Variants in FYB1 observed in about 807,000 individuals in gnomAD.
FYB1 encodes FYN-binding protein 1.
Under a neutral mutation model 94.1 loss-of-function variants are expected in FYB1, and 41 were observed. The observed-to-expected ratio is 0.44, with a 90% CI of 0.34 to 0.57. The LOEUF is 0.57. FYB1 is among the 20% of genes least tolerant of loss of function. FYB1 has a pLI of 0.02. For missense variants in FYB1, 1,050 were observed against 976.8 expected, an observed-to-expected ratio of 1.07 and a Z score of -1.00; for synonymous variants, 367 against 353.2, an observed-to-expected ratio of 1.04 and a Z score of -0.44.
intron 1 of FYB1, among the ~76,000 whole-genome samples, chr5:39,227,906 G>A (rs1489702698): frequency 6.6e-6 from 1 of 152,138 alleles, no homozygotes; most frequent in East Asian, 1.9e-4. Context: ...CCATAAGATT[G>A]ACCCAAAATG....
chr5:39,190,821 A>G (rs2150458488), intron 2 of FYB1, among the ~76,000 whole-genome samples: 1 of 140,530 alleles, frequency 7.1e-6, no homozygotes, highest in South Asian at 2.3e-4. Flanking sequence ...TGTTACACAC[A>G]TACATCTCAC....
chr5:39,185,516 T>TAAAA, intron 2 of FYB1, among the ~76,000 whole-genome samples: 1 of 110,732 alleles, frequency 9.0e-6, no homozygotes, highest in South Asian at 3.1e-4. Flanking sequence ...GATAACTGAC[T>TAAAA]AAAAAAAAAA....
Position 39,242,912 on chromosome 5 carries a change from G to A in FYB1, c.-28+31491C>T, listed in dbSNP as rs540350047. Among the ~76,000 whole-genome samples the A allele has an allele frequency of 9.2e-5, 14 of 152,220 alleles. 1 individual carries two copies. The East Asian group carries it at 2.7e-3, about 29-fold the overall frequency. ...CCAGTGATGCTGAGCATTTTTTCATGTGTCTGTTGGCTGCATAAATATCTT... is the reference window on the plus strand; with the variant it reads ...CCAGTGATGCTGAGCATTTTTTCATATGTCTGTTGGCTGCATAAATATCTT... On this transcript the variant is annotated intron_variant, in intron 1 of 1. Transcript: ENST00000510188.
At chr5:39,155,713 C>A (rs1418494872) in intron 2 of FYB1, among the ~76,000 whole-genome samples, 1 of 151,638 alleles carries the variant, frequency 6.6e-6, no homozygotes, top group African/African-American at 2.4e-5. Flanking sequence ...TTAAATTTAA[C>A]ACTTTAAAAT....
At chr5:39,217,132 C>T (rs1749930287) in intron 1 of FYB1, among the ~76,000 whole-genome samples, 1 of 152,188 alleles carries the variant, frequency 6.6e-6, no homozygotes, top group Admixed American at 6.5e-5. Flanking sequence ...TTCCAACAAT[C>T]ACTTCTTATC....
At chr5:39,230,615 C>A (rs565055617) in intron 1 of FYB1, among the ~76,000 whole-genome samples, 1 of 152,082 alleles carries the variant, frequency 6.6e-6, no homozygotes, top group African/African-American at 2.4e-5. Flanking sequence ...CACATCCCTG[C>A]AGCTTCTCTT....
chr5:39,137,754 C>T, intron 6 of FYB1, 34 bp from the exon 7 acceptor site: 1 of 1,549,830 alleles, frequency 6.5e-7, no homozygotes, highest in Non-Finnish European at 8.7e-7. Context: ...GTTTTCACAT[C>T]TGCAGGTGTT....
chr5:39,237,099 C>G (rs896836765), intron 1 of FYB1, among the ~76,000 whole-genome samples: 12 of 152,018 alleles, frequency 7.9e-5, no homozygotes, highest in Non-Finnish European at 7.4e-5. Context: ...TAAGTTGGGC[C>G]CAAATAATCT....
At chr5:39,238,794 G>A (rs1011785307) in intron 1 of FYB1, among the ~76,000 whole-genome samples, 16 of 152,116 alleles carry the variant, frequency 1.1e-4, no homozygotes, top group Admixed American at 5.9e-4. Context: ...GTATCAGGGT[G>A]AGGCTTCATG....
intron 1 of FYB1, among the ~76,000 whole-genome samples, chr5:39,232,567 G>A (rs1413320855): frequency 6.8e-6 from 1 of 147,636 alleles, no homozygotes; most frequent in Non-Finnish European, 1.5e-5. Flanking sequence ...TATTTTTTTT[G>A]CTTTTTTTAA....
chr5:39,127,786 T>C lies in FYB1; in HGVS notation c.1862A>G (p.Asp621Gly). 6.2e-7 allele frequency: 1 copy of C among 1,604,910 alleles called. No individual in the cohort carries two copies. The highest frequency in any genetic ancestry group is 8.5e-7 in the Non-Finnish European group (1 of 1,175,618). ...GSGGIFPPPPDDDIYDGIEEE... is the reference protein window; with the variant it reads ...GSGGIFPPPPGDDIYDGIEEE... ...TTCAATCCCATCATAAATGTCATCA[T>C]CTGGTGGTGGAGGGAATATCCCTTC... is the stretch of plus-strand genomic sequence containing the variant. Residue 621 changes from aspartate (D) to glycine (G), a missense_variant, in exon 11 of 19, where the codon GAT becomes GGT. Physicochemically the swap from Asp to Gly is moderately conservative, Grantham distance 94. Coordinates refer to ENST00000512982, the MANE Select transcript of FYB1 (RefSeq NM_001465.6).
chr5:39,111,236 T>C (rs1463302323), intron 16 of FYB1, among the ~76,000 whole-genome samples: 1 of 151,984 alleles, frequency 6.6e-6, no homozygotes, highest in African/African-American at 2.4e-5. Flanking sequence ...GTTAGTTTTG[T>C]GTTAGTGCCT....
chr5:39,235,573 G>GTT (rs72403365), intron 1 of FYB1, among the ~76,000 whole-genome samples: 8 of 139,932 alleles, frequency 5.7e-5, no homozygotes, highest in East Asian at 2.1e-4. Context: ...ATCTTTACTT[G>GTT]TTTTTTTTTT....
chr5:39,268,590 G>T (rs1429787820), intron 1 of FYB1, among the ~76,000 whole-genome samples: 7 of 151,700 alleles, frequency 4.6e-5, no homozygotes, highest in African/African-American at 1.7e-4. Flanking sequence ...TTTTGAGACG[G>T]AATTTTGCTC....
At chr5:39,116,299 A>G (rs555259408) in intron 16 of FYB1, among the ~76,000 whole-genome samples, 54 of 152,336 alleles carry the variant, frequency 3.5e-4, no homozygotes, top group Admixed American at 5.2e-4. Context: ...CCATATAACC[A>G]TGTGGTTTCC....
intron 1 of FYB1, among the ~76,000 whole-genome samples, chr5:39,271,350 T>C (rs1476526105): frequency 6.6e-6 from 1 of 152,204 alleles, no homozygotes; most frequent in Non-Finnish European, 1.5e-5. Context: ...GACTTTCCAA[T>C]CATCCATGTA....
At chr5:39,223,145 T>TA (rs1294184411), upstream of FYB1, among the ~76,000 whole-genome samples, 2 of 151,930 alleles carry the variant, frequency 1.3e-5, no homozygotes, top group Non-Finnish European at 2.9e-5. Context: ...AAATAAAAAA[T>TA]AAAAAAATAA....
At chr5:39,262,077 TA>T (rs1561316479) in intron 1 of FYB1, among the ~76,000 whole-genome samples, 10 of 152,174 alleles carry the variant, frequency 6.6e-5, no homozygotes, top group African/African-American at 2.4e-4. Context: ...ATGACTTTAA[TA>T]TTTAAGGGGT....
At chr5:39,257,685 G>A (rs975088838) in intron 1 of FYB1, among the ~76,000 whole-genome samples, 4 of 152,000 alleles carry the variant, frequency 2.6e-5, no homozygotes, top group African/African-American at 4.8e-5. Flanking sequence ...TTGTTCACTA[G>A]AAGTTTACCA....
Sources: allele counts gnomAD v4.1 joint callset (sites outside exome capture counted in the v4.1 genomes callset), GRCh38; gene constraint gnomAD v4.1.1; transcripts MANE v1.5; gene names NCBI Gene and HGNC (gene_info 2026-07-23, HGNC 2026-07-21).